MRC2: variants seen among roughly 807,000 people sequenced by gnomAD.
MRC2 encodes C-type mannose receptor 2.
In MRC2, 84 loss-of-function variants were observed where a neutral mutation model predicts 206.2. The observed-to-expected ratio is 0.41, with a 90% confidence interval of 0.34 to 0.49. The LOEUF (loss-of-function observed/expected upper bound fraction) is 0.49, where lower values mean the gene tolerates loss of function less well. Ranked by LOEUF, MRC2 falls within the 20% of genes least tolerant of loss-of-function variation. MRC2 has a pLI of 0.31. For missense variants in MRC2, 1,676 were observed against 2,001.5 expected (o/e 0.84, Z 3.10); for synonymous variants, 798 against 800.0 (o/e 1.00, Z 0.04).
At chr17:62,682,014 T>C (rs2088974144) in intron 19 of MRC2, 77 bp downstream of exon 19, 8 of 1,309,738 alleles carry the variant, frequency 6.1e-6, no homozygotes. Flanking sequence ...GCAGAAGTCA[T>C]CAGTCTGTTC....
intron 20 of MRC2, among the ~76,000 whole-genome samples, chr17:62,684,992 A>G (rs1327293418): frequency 6.6e-6 from 1 of 152,148 alleles, no homozygotes; most frequent in Non-Finnish European, 1.5e-5. Context: ...AATACAAAAA[A>G]TTATCTGGGC....
rs2088845382 is a variant in MRC2 at position 62,672,990 on chromosome 17, T to C, written c.1461+838T>C. On this transcript the variant is annotated intron_variant, in intron 8 of 29. Transcript: ENST00000303375. The surrounding 1 kb of genome is among the most constrained non-coding windows in gnomAD (Gnocchi z 4.5). ...CTGGGTGACAGAGCAAGACCCTGTCTCAAAAAAAAAAAAATAAAATAAAAA... is the reference window on the plus strand; with the variant it reads ...CTGGGTGACAGAGCAAGACCCTGTCCCAAAAAAAAAAAAATAAAATAAAAA... 1.5e-5 allele frequency among the ~76,000 whole-genome samples: 1 copy of C among 66,652 alleles called. No homozygotes were observed. Among genetic ancestry groups the C allele is most frequent in the African/African-American group, 6.8e-5 (1 of 14,658 alleles). The allele number at this position is 66,652 out of a possible 152,430, so 43.7% of individuals were successfully genotyped here.
chr17:62,647,089 A>C (rs1039542032), intron 1 of MRC2, among the ~76,000 whole-genome samples: 2 of 152,176 alleles, frequency 1.3e-5, no homozygotes, highest in African/African-American at 2.4e-5. Flanking sequence ...TGGACACCCA[A>C]CTTTAAGAAC....
Position 62,680,531 on chromosome 17 carries a change from G to C in MRC2, c.2473+78G>C. On this transcript the variant is annotated intron_variant, in intron 16 of 29. Transcript: ENST00000303375. The surrounding 1 kb of genome is among the most constrained non-coding windows in gnomAD (Gnocchi z 4.8). ...CTCTGGGGTAAGTCCCGAGAGGCCT[G>C]AATGAAATGGAGGGGATGAGGAGTT... The C allele has an allele frequency of 2.5e-6, 4 of 1,570,922 alleles. No individual in the cohort carries two copies. Among genetic ancestry groups the C allele is most frequent in the Non-Finnish European group, 2.6e-6 (3 of 1,145,386 alleles).
chr17:62,668,772 T>C (rs985840262), intron 6 of MRC2, among the ~76,000 whole-genome samples: 2 of 152,148 alleles, frequency 1.3e-5, no homozygotes, highest in African/African-American at 4.8e-5. Flanking sequence ...TTTGTGATCA[T>C]AGAGACAGCT....
intron 1 of MRC2, chr17:62,661,772 G>A (rs543181140): frequency 1.3e-5 from 2 of 152,016 alleles, no homozygotes; most frequent in Admixed American, 6.6e-5. Context: ...CTCTAATAAG[G>A]CACATATATT....
At position 62,692,061 on chromosome 17, in the gene MRC2, T is replaced by G. The variant is rs762412485; in HGVS notation, c.4193-51T>G. 10 of 1,610,364 alleles carry G rather than the reference T, an allele frequency of 6.2e-6. No individual in the cohort carries two copies. The Admixed American group carries it at 1.5e-4, about 24-fold the overall frequency. On this transcript the variant is annotated intron_variant, in intron 28 of 29. Coordinates refer to ENST00000303375, the MANE Select transcript of MRC2 (RefSeq NM_006039.5). This position sits in a 1 kb window ranked among gnomAD's most constrained non-coding sequence, Gnocchi z 4.2. ...TGCTTTGTATGTTTACTTAAGTGAT[T>G]ATTACGATGATCACTGCTATTATTA...
At chr17:62,655,241 G>A (rs1395045929) in intron 1 of MRC2, among the ~76,000 whole-genome samples, 3 of 149,014 alleles carry the variant, frequency 2.0e-5, no homozygotes, top group South Asian at 2.1e-4. Flanking sequence ...AGTGGAGATC[G>A]CTCCACTGCA....
intron 1 of MRC2, among the ~76,000 whole-genome samples, chr17:62,655,100 G>A (rs1038759520): frequency 4.0e-5 from 6 of 151,222 alleles, no homozygotes; most frequent in Non-Finnish European, 8.8e-5. Flanking sequence ...CCTGGCTAAT[G>A]CGGTGAAACC....
chr17:62,651,553 A>C (rs2088556164), intron 1 of MRC2, among the ~76,000 whole-genome samples: 1 of 152,128 alleles, frequency 6.6e-6, no homozygotes, highest in East Asian at 1.9e-4. Context: ...ACCATTACCA[A>C]GAAATTGAAT....
chr17:62,667,220 G>A lies in MRC2; in HGVS notation c.974-170G>A, dbSNP rs2088768786. Among the ~76,000 whole-genome samples the A allele has an allele frequency of 1.3e-5, 2 of 152,186 alleles. No individual in the cohort carries two copies. Among genetic ancestry groups the A allele is most frequent in the Non-Finnish European group, 2.9e-5 (2 of 68,032 alleles). Reference sequence around the variant, plus strand: ...AGGCGACGTGCACCCAGGTTAGAAAGCGCGGAGGACCCCGTGGTCTGGGGC... The same window carrying A: ...AGGCGACGTGCACCCAGGTTAGAAAACGCGGAGGACCCCGTGGTCTGGGGC... On this transcript the variant is annotated intron_variant, in intron 5 of 29. Coordinates refer to ENST00000303375, the MANE Select transcript of MRC2 (RefSeq NM_006039.5). The surrounding 1 kb of genome is among the most constrained non-coding windows in gnomAD (Gnocchi z 4.1).
intron 1 of MRC2, among the ~76,000 whole-genome samples, chr17:62,658,776 C>T (rs2088647441): frequency 6.6e-6 from 1 of 152,184 alleles, no homozygotes; most frequent in Admixed American, 6.5e-5. Context: ...TTTTCCGGCC[C>T]CAGGCCCCTT....
Position 62,680,109 on chromosome 17 carries a change from G to A in MRC2, c.2299-61G>A, listed in dbSNP as rs2088943835. On this transcript the variant is annotated intron_variant, in intron 14 of 29. Transcript: ENST00000303375. This position sits in a 1 kb window ranked among gnomAD's most constrained non-coding sequence, Gnocchi z 4.8. ...CAGGCCTCTTGTTCACCTGTTCCGG[G>A]CATGGGGGCGGCCTGCACCTTGCGC... 6 of 1,605,558 alleles carry A rather than the reference G, an allele frequency of 3.7e-6. No individual in the cohort carries two copies. In the African/African-American group the frequency reaches 5.3e-5, roughly 14 times the overall value.
chr17:62,636,572 C>T (rs1281226121), intron 1 of MRC2, among the ~76,000 whole-genome samples: 1 of 150,212 alleles, frequency 6.7e-6, no homozygotes, highest in Non-Finnish European at 1.5e-5. Flanking sequence ...AGGTTCACGC[C>T]ATTCTCCCAC....
intron 1 of MRC2, among the ~76,000 whole-genome samples, chr17:62,656,056 AT>A (rs879358920): frequency 3.3e-5 from 5 of 151,218 alleles, no homozygotes; most frequent in East Asian, 1.9e-4. Context: ...CACCTGGCTA[AT>A]TTTTTTTTGA....
chr17:62,662,309 T>A (rs2088690854), intron 1 of MRC2, among the ~76,000 whole-genome samples: 1 of 151,834 alleles, frequency 6.6e-6, no homozygotes, highest in Admixed American at 6.6e-5. Context: ...AATAGGATGA[T>A]GAGATCAGCA....
Position 62,644,081 on chromosome 17 carries a change from T to C in MRC2, c.118+16161T>C, listed in dbSNP as rs139635653. ...GTACTATGCTATCTACTACATAATA[T>C]ATTATTTAACAGGGGTGATTGTAGA... On this transcript the variant is annotated intron_variant, in intron 1 of 29. Coordinates refer to ENST00000303375, the MANE Select transcript of MRC2 (RefSeq NM_006039.5). Among the ~76,000 whole-genome samples, 592 of 152,252 alleles carry C rather than the reference T, an allele frequency of 3.9e-3. 3 individuals are homozygous for C. Among genetic ancestry groups the C allele is most frequent in the African/African-American group, 0.013 (522 of 41,550 alleles).
chr17:62,662,693 C>T (rs957815196), intron 1 of MRC2, among the ~76,000 whole-genome samples: 1 of 151,978 alleles, frequency 6.6e-6, no homozygotes, highest in Non-Finnish European at 1.5e-5. Flanking sequence ...GCGGATCACC[C>T]GAGGTTGGGA....
At chr17:62,676,613 G>A (rs1457862091) in intron 11 of MRC2, 82 bp downstream of exon 11, 1 of 1,500,866 alleles carries the variant, frequency 6.7e-7, no homozygotes, top group Non-Finnish European at 8.9e-7. Flanking sequence ...GAGCCCCAGG[G>A]CTTCCCCATA....
Sources: allele counts gnomAD v4.1 joint callset (sites outside exome capture counted in the v4.1 genomes callset), GRCh38; gene constraint gnomAD v4.1.1; non-coding constraint Gnocchi (gnomAD v3.1); transcripts MANE v1.5; gene names NCBI Gene and HGNC (gene_info 2026-07-23, HGNC 2026-07-21).